Variants in PGM3 observed in about 807,000 individuals in gnomAD.
PGM3 encodes phosphoglucomutase 3.
A neutral mutation model predicts 66.2 loss-of-function variants in PGM3; 40 were observed. That is an observed-to-expected ratio of 0.60 (90% CI 0.47 to 0.79). PGM3 has a LOEUF of 0.79. Ranked by LOEUF, PGM3 falls within the 30% of genes least tolerant of loss-of-function variation. The probability of loss-of-function intolerance (pLI) is 0.00; values close to 1 mark genes in which losing one functional copy is unlikely to be tolerated. For missense variants in PGM3, 537 were observed against 643.4 expected, an observed-to-expected ratio of 0.83 and a Z score of 1.79; for synonymous variants, 191 against 224.2, an observed-to-expected ratio of 0.85 and a Z score of 1.32.
chr6:83,192,634 GCAGT>G (rs917584837), intron 1 of PGM3, among the ~76,000 whole-genome samples: 2 of 151,792 alleles, frequency 1.3e-5, no homozygotes, highest in East Asian at 3.9e-4. Context: ...TAAAAACTGA[GCAGT>G]CAGTTATGTG....
downstream of PGM3, among the ~76,000 whole-genome samples, chr6:83,163,805 C>A (rs1409647164): frequency 6.6e-6 from 1 of 152,014 alleles, no homozygotes; most frequent in Non-Finnish European, 1.5e-5. Flanking sequence ...TAATATAAAG[C>A]ATCTTCTTAG....
downstream of PGM3, among the ~76,000 whole-genome samples, chr6:83,160,434 TAAG>T (rs1783966314): frequency 1.3e-5 from 2 of 152,224 alleles, no homozygotes; most frequent in African/African-American, 2.4e-5. Context: ...AGCAGAATGT[TAAG>T]AAGAAGCTGG....
intron 10 of PGM3, 92 bp from the exon 11 acceptor site, chr6:83,172,151 G>A: frequency 1.6e-6 from 2 of 1,289,382 alleles, no homozygotes; most frequent in Non-Finnish European, 2.2e-6. Flanking sequence ...CACAGTACAG[G>A]TTGAACAACC....
chr6:83,164,547 C>CT (rs1784985696), downstream of PGM3: 2 of 1,013,332 alleles, frequency 2.0e-6, no homozygotes, highest in Admixed American at 4.1e-5. Flanking sequence ...AATAAGAAAA[C>CT]TATTTTGATT....
At position 83,173,529 on chromosome 6, in the gene PGM3, C is replaced by G. The variant is rs73483094; in HGVS notation, c.1242+845G>C. ...TATAACTGAAGATAAATCTCTGTTTCTTCACTTATAAAATGGAAATTACAG... is the reference window on the plus strand; with the variant it reads ...TATAACTGAAGATAAATCTCTGTTTGTTCACTTATAAAATGGAAATTACAG... On this transcript the variant is annotated intron_variant, in intron 10 of 12. Transcript: ENST00000513973. 9.4e-3 allele frequency among the ~76,000 whole-genome samples: 1,423 copies of G among 152,006 alleles called. 30 individuals are homozygous for G. The highest frequency in any genetic ancestry group is 0.033 in the African/African-American group (1,352 of 41,324).
chr6:83,164,020 G>A (rs1467837815), downstream of PGM3, among the ~76,000 whole-genome samples: 1 of 150,530 alleles, frequency 6.6e-6, no homozygotes, highest in African/African-American at 2.5e-5. Context: ...TTAACCTTTT[G>A]TCAAATTTTC....
Position 83,191,958 on chromosome 6 carries a change from C to CAAAAAAAAAA in PGM3, c.-2-954_-2-945dup, listed in dbSNP as rs1219337174. ...TGGGTGACAAAGGGAGACTCGGTCT[C>CAAAAAAAAAA]AAAAAAAAAAAAAAAAAAAAAAAAC... is the stretch of plus-strand genomic sequence containing the variant. On this transcript the variant is annotated intron_variant, in intron 1 of 12. Coordinates refer to ENST00000513973, the MANE Select transcript of PGM3 (RefSeq NM_015599.3). Among the ~76,000 whole-genome samples, 136 of 39,360 alleles carry CAAAAAAAAAA rather than the reference C, an allele frequency of 3.5e-3. 5 individuals are homozygous for CAAAAAAAAAA. The highest frequency in any genetic ancestry group is 0.011 in the African/African-American group (110 of 9,866). The allele number at this position is 39,360 out of a possible 152,430, so 25.8% of individuals were successfully genotyped here.
chr6:83,174,437 T>A lies in PGM3; in HGVS notation c.1179A>T (p.Gln393His). Residue 393 changes from glutamine to histidine, a missense_variant, in exon 10 of 13, where the codon CAA becomes CAT. Physicochemically the swap from Gln to His is conservative, Grantham distance 24. Coordinates refer to ENST00000513973, the MANE Select transcript of PGM3 (RefSeq NM_015599.3). ...VEMKIKQSAE[Q>H]LEDKKRKAAK... is the part of the protein sequence containing the mutation. ...CAGCTTTTCTTTTCTTATCTTCCAG[T>A]TGTTCTGCTGATTGTTTTATCTTCA... is the stretch of plus-strand genomic sequence containing the variant. 1 of 1,608,970 alleles carries A rather than the reference T, an allele frequency of 6.2e-7. No homozygotes were observed. The highest frequency in any genetic ancestry group is 8.5e-7 in the Non-Finnish European group (1 of 1,177,128).
At chr6:83,178,319 T>C (rs1370926889) in intron 8 of PGM3, among the ~76,000 whole-genome samples, 1 of 152,190 alleles carries the variant, frequency 6.6e-6, no homozygotes, top group Non-Finnish European at 1.5e-5. Flanking sequence ...ATAGGTGAGC[T>C]ATCTTCCTTG....
chr6:83,171,318 T>TTTAA (rs1287668064), intron 11 of PGM3: 2 of 152,184 alleles, frequency 1.3e-5, no homozygotes, highest in Non-Finnish European at 2.9e-5. Context: ...TATATCTATT[T>TTTAA]TTAATTTTCC....
At chr6:83,174,247 A>C (rs1787579941) in intron 10 of PGM3, 127 bp downstream of exon 10, 1 of 617,492 alleles carries the variant, frequency 1.6e-6, no homozygotes, top group Non-Finnish European at 2.9e-6. Context: ...TGAATATACC[A>C]CTATTAGAAG....
intron 3 of PGM3, 150 bp downstream of exon 3, chr6:83,188,464 T>C (rs919082107): frequency 1.6e-6 from 1 of 618,904 alleles, no homozygotes; most frequent in Non-Finnish European, 2.8e-6. Context: ...ACTTAGCTAC[T>C]ACATCCTACT....
chr6:83,178,567 T>C (rs1787944202), intron 8 of PGM3, 106 bp downstream of exon 8: 1 of 726,954 alleles, frequency 1.4e-6, no homozygotes, highest in African/African-American at 1.8e-5. Flanking sequence ...GAACAGCAGC[T>C]CAGCTTCATG....
chr6:83,191,303 C>A lies in PGM3; in HGVS notation c.-2-289G>T, dbSNP rs972339859. The A allele has an allele frequency of 3.6e-6, 5 of 1,379,098 alleles. No individual in the cohort carries two copies. The African/African-American group carries it at 7.1e-5, about 20-fold the overall frequency. 85.4% of individuals were successfully genotyped at this position (1,379,098 alleles called of 1,614,324 possible). On this transcript the variant is annotated intron_variant, in intron 1 of 12. Coordinates refer to ENST00000513973, the MANE Select transcript of PGM3 (RefSeq NM_015599.3). Reference sequence around the variant, plus strand: ...AGGACTATCCTGGACGCCGGGCACACTTAAATTGGTCCACTCTCAACTAAA... The same window carrying A: ...AGGACTATCCTGGACGCCGGGCACAATTAAATTGGTCCACTCTCAACTAAA...
intron 12 of PGM3, 131 bp from the exon 13 acceptor site, chr6:83,169,454 T>C: frequency 9.3e-7 from 1 of 1,078,922 alleles, no homozygotes; most frequent in Non-Finnish European, 1.3e-6. Context: ...CAAATTCTAA[T>C]GAAAACCTTT....
chr6:83,193,376 C>G (rs538884737), upstream of PGM3: 1 of 152,320 alleles, frequency 6.6e-6, no homozygotes, highest in Non-Finnish European at 1.5e-5. Context: ...GCGCAGCTGG[C>G]GCCTGAGGAA....
At chr6:83,157,058 GTT>G, downstream of PGM3, 1 of 877,580 alleles carries the variant, frequency 1.1e-6, no homozygotes, top group East Asian at 2.8e-5. Context: ...ATCTACAACA[GTT>G]TTGAATTTTT....
chr6:83,155,845 C>G, the PGM3 span: 1 of 1,345,452 alleles, frequency 7.4e-7, no homozygotes, highest in Admixed American at 2.4e-5. Flanking sequence ...GTACCCCAAG[C>G]TCCTCTCAGT....
intron 1 of PGM3, chr6:83,191,375 ATTTCATTTT>A: frequency 2.9e-6 from 2 of 700,640 alleles, no homozygotes; most frequent in Admixed American, 5.4e-5. Flanking sequence ...CTCAAAGATC[ATTTCATTTT>A]ACAAAAAGGG....
Sources: gnomAD v4.1 joint callset for allele counts (sites outside exome capture counted in the v4.1 genomes callset) on GRCh38, gnomAD v4.1.1 for gene constraint, MANE v1.5 for transcripts, NCBI Gene and HGNC (gene_info 2026-07-23, HGNC 2026-07-21) for gene names.